LILRB5: variants seen among roughly 807,000 people sequenced by gnomAD.
The protein encoded by LILRB5 is leukocyte immunoglobulin like receptor B5.
A neutral mutation model predicts 68.4 loss-of-function variants in LILRB5; 61 were observed. The ratio of observed to expected loss-of-function variants is 0.89; its 90% CI spans 0.73 to 1.10. The LOEUF (loss-of-function observed/expected upper bound fraction) is 1.10. Ranked by LOEUF, LILRB5 falls within the 50% of genes least tolerant of loss-of-function variation. The pLI is 0.00. For missense variants in LILRB5, 771 were observed against 751.6 expected (o/e 1.03, Z -0.30); for synonymous variants, 356 against 315.8 (o/e 1.13, Z -1.35).
intron 6 of LILRB5, 144 bp from the exon 7 acceptor site, chr19:54,254,559 C>G: frequency 7.9e-7 from 1 of 1,260,004 alleles, no homozygotes; most frequent in African/African-American, 1.5e-5. Context: ...CAAGTGTGGG[C>G]ATGCCTGGGG....
chr19:54,257,132 A>C (rs1207468622), intron 1 of LILRB5, 28 bp downstream of exon 1: 1 of 1,614,016 alleles, frequency 6.2e-7, no homozygotes, highest in Admixed American at 1.7e-5. Flanking sequence ...CAAGACGGGG[A>C]CCTTCCTTCC....
rs988743141 is a variant in LILRB5 at position 54,249,482 on chromosome 19, C to T, written c.*1304G>A. 6.6e-6 allele frequency: 1 copy of T among 152,034 alleles called. No individual in the cohort carries two copies. The highest frequency in any genetic ancestry group is 1.9e-4 in the East Asian group (1 of 5,194). 9.4% of individuals were successfully genotyped at this position (152,034 alleles called of 1,614,324 possible). On this transcript the variant is annotated 3_prime_UTR_variant, in exon 13 of 13. Transcript: ENST00000449561. ...ATCAAAATACTCATTCCTTCGAGGA[C>T]AAGACACAGTGAAGCACCAATTATG...
chr19:54,257,116 T>C (rs1439803010), intron 1 of LILRB5, 44 bp downstream of exon 1: 2 of 1,614,002 alleles, frequency 1.2e-6, no homozygotes, highest in East Asian at 4.5e-5. Flanking sequence ...TAGAGTGAGC[T>C]CCCTCCAAGA....
chr19:54,254,175 C>G (rs765168898), intron 7 of LILRB5, 107 bp from the exon 8 acceptor site: 3 of 1,516,220 alleles, frequency 2.0e-6, no homozygotes, highest in East Asian at 2.5e-5. Flanking sequence ...CTCTCTGCCT[C>G]GACGCCCGCC....
intron 11 of LILRB5, 26 bp downstream of exon 11, chr19:54,252,340 G>T (rs2078984964): frequency 6.2e-7 from 1 of 1,613,064 alleles, no homozygotes; most frequent in African/African-American, 1.3e-5. Flanking sequence ...GCCCACCCCA[G>T]GTGCCCTCCG....
In LILRB5 at chr19:54,254,738, A is replaced by G; in HGVS notation, c.1252T>C (p.Ser418Pro). Reference sequence around the variant, plus strand: ...AGGACAGGGTCAGGGCCCTCACCTGAGACCACGAGCTCCTGGGGGTAACTA... The same window carrying G: ...AGGACAGGGTCAGGGCCCTCACCTGGGACCACGAGCTCCTGGGGGTAACTA... ...SPSYPQELVV[S>P]GPSGDPSLSP... Residue 418 changes from serine to proline, a missense_variant, in exon 6 of 13, where the codon TCA (serine) becomes CCA (proline). By Grantham distance (74) the Ser-to-Pro change is moderately conservative. Coordinates refer to ENST00000449561, the MANE Select transcript of LILRB5 (RefSeq NM_001081442.3). The G allele has an allele frequency of 6.2e-7, 1 of 1,613,928 alleles. No individual in the cohort carries two copies. Among genetic ancestry groups the G allele is most frequent in the Non-Finnish European group, 8.5e-7 (1 of 1,179,928 alleles).
intron 12 of LILRB5, chr19:54,251,773 C>T (rs624315): frequency 0.71 from 474,564 of 663,824 alleles, 174,417 homozygotes; most frequent in African/African-American, 0.85. Flanking sequence ...GGGACCGGGT[C>T]GGTTCATTTA....
At chr19:54,253,407 C>T (rs1258557242) in intron 8 of LILRB5, 1 of 206,214 alleles carries the variant, frequency 4.8e-6, no homozygotes, top group Non-Finnish European at 9.9e-6. Flanking sequence ...ATTGCTCTCA[C>T]TCCCAGCTCA....
chr19:54,252,325 C>G, intron 11 of LILRB5, 41 bp downstream of exon 11: 2 of 1,608,796 alleles, frequency 1.2e-6, no homozygotes, highest in Non-Finnish European at 1.7e-6. Context: ...CTTTGGTGCT[C>G]CCTTGCCCAC....
At chr19:54,252,280 C>A in intron 11 of LILRB5, 86 bp downstream of exon 11, 1 of 1,517,666 alleles carries the variant, frequency 6.6e-7, no homozygotes, top group East Asian at 2.3e-5. Flanking sequence ...CCAGACCCCC[C>A]CCAGCCTGTG....
At chr19:54,253,682 G>T (rs988843300) in intron 8 of LILRB5, 2 of 761,764 alleles carry the variant, frequency 2.6e-6, no homozygotes, top group African/African-American at 1.8e-5. Flanking sequence ...ATGCGGCAGA[G>T]CTGGGAAGTG....
At chr19:54,257,103 C>T in intron 1 of LILRB5, 57 bp downstream of exon 1, 1 of 1,614,010 alleles carries the variant, frequency 6.2e-7, no homozygotes, top group Non-Finnish European at 8.5e-7. Context: ...CAGAGCCTCG[C>T]TTTAGAGTGA....
In LILRB5 at chr19:54,256,543, C is replaced by T; in HGVS notation, c.301G>A (p.Glu101Lys). ...GGCTCTGACCAGCCTGCAGGGGTCT[C>T]ATAGTAGCAGCGGTATCGCCCTGCA... ...DSAGRYRCYYETPAGWSEPSD... is the reference protein window; with the variant it reads ...DSAGRYRCYYKTPAGWSEPSD... Residue 101 changes from glutamate (E) to lysine (K), a missense_variant, in exon 3 of 13, where the codon GAG becomes AAG. By Grantham distance (56) the Glu-to-Lys change is moderately conservative. Coordinates refer to ENST00000449561, the MANE Select transcript of LILRB5 (RefSeq NM_001081442.3). 1 of 1,614,160 alleles carries T rather than the reference C, an allele frequency of 6.2e-7. No homozygotes were observed. Among genetic ancestry groups the T allele is most frequent in the Non-Finnish European group, 8.5e-7 (1 of 1,180,000 alleles).
In LILRB5 at chr19:54,255,556, T is replaced by G; in HGVS notation, c.682A>C (p.Ile228Leu). The change falls in exon 5 of 13, where the codon ATC becomes CTC. Residue 228 changes from isoleucine to leucine, a missense_variant. Ile to Leu is a conservative substitution (Grantham distance 5, BLOSUM62 2). Coordinates refer to ENST00000449561, the MANE Select transcript of LILRB5 (RefSeq NM_001081442.3). ...CGGGCCACGACAGAGCCCTGCGGGA[T>G]CAGGAGGGAGGGCTTCCTAGACACG... ...PGVSRKPSLL[I>L]PQGSVVARGG... The G allele has an allele frequency of 6.2e-7, 1 of 1,613,670 alleles. No homozygotes were observed.
Position 54,249,875 on chromosome 19 carries a change from A to T in LILRB5, c.*911T>A, listed in dbSNP as rs1224133746. Reference sequence around the variant, plus strand: ...TGGAGAAACCCTGTCTCTACTAAAAATACAAAAATTAGCCGGGCGTGGTGG... The same window carrying T: ...TGGAGAAACCCTGTCTCTACTAAAATTACAAAAATTAGCCGGGCGTGGTGG... On this transcript the variant is annotated 3_prime_UTR_variant, in exon 13 of 13. Transcript: ENST00000449561. The T allele has an allele frequency of 1.3e-5, 2 of 152,332 alleles. No homozygotes were observed. The highest frequency in any genetic ancestry group is 2.9e-5 in the Non-Finnish European group (2 of 68,050). 9.4% of individuals were successfully genotyped at this position (152,332 alleles called of 1,614,324 possible).
At chr19:54,256,417 T>C (rs1049394876) in intron 3 of LILRB5, 72 bp downstream of exon 3, 54 of 1,593,430 alleles carry the variant, frequency 3.4e-5, no homozygotes, top group Non-Finnish European at 4.2e-5. Context: ...CTGTGAGAGG[T>C]AGACGTCCCT....
chr19:54,252,242 G>A (rs977579972), intron 11 of LILRB5, 124 bp downstream of exon 11: 40 of 1,443,354 alleles, frequency 2.8e-5, no homozygotes, highest in Non-Finnish European at 3.9e-5. Flanking sequence ...GTCCCACAGT[G>A]TGGGTTCAGA....
chr19:54,250,431 G>A lies in LILRB5; in HGVS notation c.*355C>T, dbSNP rs972417300. 11 of 222,234 alleles carry A rather than the reference G, an allele frequency of 4.9e-5. No individual in the cohort carries two copies. Among genetic ancestry groups the A allele is most frequent in the African/African-American group, 1.4e-4 (6 of 43,516 alleles). The allele number at this position is 222,234 out of a possible 1,614,324, so 13.8% of individuals were successfully genotyped here. A position where few individuals can be genotyped will look rare whatever the true frequency, so the allele number is the denominator to read the frequency against. On this transcript the variant is annotated 3_prime_UTR_variant, in exon 13 of 13. Coordinates refer to ENST00000449561, the MANE Select transcript of LILRB5 (RefSeq NM_001081442.3). ...TGTCATTGCCAAGGTCATTAATTAC[G>A]TAGGTTTTATTCTTTTCTAATTCAT... is the stretch of plus-strand genomic sequence containing the variant.
At chr19:54,251,846 G>A (rs12986034) in intron 12 of LILRB5, 155,355 of 736,038 alleles carry the variant, frequency 0.21, 19,160 homozygotes, top group Middle Eastern at 0.33. Context: ...AGAGGATGAG[G>A]AGCAGGAAGG....
Sources: allele counts gnomAD v4.1 joint callset, GRCh38; gene constraint gnomAD v4.1.1; transcripts MANE v1.5; gene names NCBI Gene and HGNC (gene_info 2026-07-23, HGNC 2026-07-21).